PHF20: variants seen among roughly 807,000 people sequenced by gnomAD.
The protein encoded by PHF20 is PHD finger protein 20, also known as glioma-expressed antigen 2.
PHF20 carries 23 observed loss-of-function variants against 113.5 expected under a neutral mutation model. The ratio of observed to expected loss-of-function variants is 0.20; its 90% confidence interval spans 0.15 to 0.29. The LOEUF is 0.29. Ranked by LOEUF, PHF20 falls within the 10% of genes least tolerant of loss-of-function variation. The pLI is 1.00. For missense variants in PHF20, 943 were observed against 1,219.6 expected (o/e 0.77, Z 3.38); for synonymous variants, 434 against 457.3 (o/e 0.95, Z 0.65).
intron 4 of PHF20, chr20:35,850,825 G>T: frequency 2.7e-6 from 3 of 1,112,330 alleles, no homozygotes; most frequent in South Asian, 2.5e-5. Context: ...TGAAAATCAG[G>T]TGTATGTTTC....
chr20:35,883,591 G>GC (rs2054673246), intron 9 of PHF20, among the ~76,000 whole-genome samples: 1 of 152,104 alleles, frequency 6.6e-6, no homozygotes, highest in Non-Finnish European at 1.5e-5. Flanking sequence ...ACAGGCACTC[G>GC]CCGTCACTCC....
intron 2 of PHF20, among the ~76,000 whole-genome samples, chr20:35,842,281 G>A (rs922773284): frequency 2.0e-5 from 3 of 152,020 alleles, no homozygotes; most frequent in Admixed American, 6.6e-5. Context: ...AGGAGGTTGC[G>A]GTGAGCCAAG....
At chr20:35,812,574 G>A (rs963271687) in intron 2 of PHF20, among the ~76,000 whole-genome samples, 7 of 152,044 alleles carry the variant, frequency 4.6e-5, no homozygotes, top group South Asian at 2.1e-4. Flanking sequence ...TCTATTTCCC[G>A]TAAACTGGAA....
intron 2 of PHF20, among the ~76,000 whole-genome samples, chr20:35,809,147 A>T (rs895793572): frequency 6.6e-6 from 1 of 151,852 alleles, no homozygotes; most frequent in Admixed American, 6.6e-5. Context: ...CCTGAGTCTG[A>T]GGCAAGAGAA....
intron 15 of PHF20, among the ~76,000 whole-genome samples, chr20:35,938,108 G>A (rs1600969518): frequency 2.0e-5 from 3 of 152,122 alleles, no homozygotes; most frequent in Admixed American, 1.3e-4. Flanking sequence ...TCCTGACCTC[G>A]TGATCCTCCT....
intron 9 of PHF20, among the ~76,000 whole-genome samples, chr20:35,898,544 C>T (rs765206742): frequency 3.9e-5 from 6 of 152,126 alleles, no homozygotes; most frequent in South Asian, 4.1e-4. Context: ...AAGCAATTAT[C>T]GTGCCTCAGC....
intron 13 of PHF20, among the ~76,000 whole-genome samples, chr20:35,919,401 G>T (rs933583195): frequency 1.4e-5 from 2 of 147,658 alleles, no homozygotes; most frequent in East Asian, 2.0e-4. Context: ...GTGCAATGGC[G>T]CAATCTCGGC....
At chr20:35,930,029 G>A (rs1199942131) in intron 14 of PHF20, among the ~76,000 whole-genome samples, 1 of 152,246 alleles carries the variant, frequency 6.6e-6, no homozygotes, top group Non-Finnish European at 1.5e-5. Context: ...GGACTTTGGA[G>A]CAGGTCATGT....
chr20:35,933,824 T>C (rs940040488), intron 15 of PHF20, among the ~76,000 whole-genome samples: 1 of 152,232 alleles, frequency 6.6e-6, no homozygotes, highest in African/African-American at 2.4e-5. Flanking sequence ...TGGGCCACTG[T>C]GCCCGGTCGG....
At chr20:35,867,287 T>G (rs1253028094) in intron 6 of PHF20, among the ~76,000 whole-genome samples, 2 of 151,898 alleles carry the variant, frequency 1.3e-5, no homozygotes, top group Non-Finnish European at 2.9e-5. Context: ...TGAGATGGAG[T>G]CTTACTCTGT....
At chr20:35,825,093 T>A (rs1332707717) in intron 2 of PHF20, among the ~76,000 whole-genome samples, 1 of 152,214 alleles carries the variant, frequency 6.6e-6, no homozygotes, top group Admixed American at 6.5e-5. Context: ...AATTGTCAGA[T>A]CATATGGTAA....
intron 10 of PHF20, among the ~76,000 whole-genome samples, chr20:35,908,770 C>A (rs771894541): frequency 4.6e-5 from 7 of 152,180 alleles, no homozygotes; most frequent in Non-Finnish European, 8.8e-5. Flanking sequence ...CAACCTAATT[C>A]TAATTTCAGT....
intron 2 of PHF20, among the ~76,000 whole-genome samples, chr20:35,835,788 G>A (rs1486034672): frequency 2.6e-5 from 4 of 152,056 alleles, no homozygotes; most frequent in Admixed American, 2.6e-4. Context: ...AAATTAGCCA[G>A]GCGTGGTGGC....
intron 1 of PHF20, among the ~76,000 whole-genome samples, chr20:35,795,941 G>C (rs73283043): frequency 0.26 from 38,849 of 151,906 alleles, 5,738 homozygotes; most frequent in African/African-American, 0.41. Context: ...ACCTCCACCT[G>C]CAGGGTTGAA....
Position 35,947,337 on chromosome 20 carries a change from CCCTTCCTCCCTTGCCCCATGGAGGCTG to C in PHF20, c.2897-147_2897-121del. ...GTTGACACAGTGCTGGCTGAAATGG[CCCTTCCTCCCTTGCCCCATGGAGGCTG>C]AAATGGCCCTTCCTCCCTTGCCCCA... is the stretch of plus-strand genomic sequence containing the variant. On this transcript the variant is annotated intron_variant, in intron 17 of 17. Transcript: ENST00000374012. 3 of 671,070 alleles carry C rather than the reference CCCTTCCTCCCTTGCCCCATGGAGGCTG, an allele frequency of 4.5e-6. No homozygotes were observed. In the South Asian group the frequency reaches 7.3e-5, roughly 16 times the overall value. 41.6% of individuals were successfully genotyped at this position (671,070 alleles called of 1,614,324 possible).
intron 10 of PHF20, among the ~76,000 whole-genome samples, chr20:35,906,713 A>ACAT (rs1394534239): frequency 6.6e-6 from 1 of 152,220 alleles, no homozygotes. Flanking sequence ...GAAGTGCCAC[A>ACAT]CATCACTTCT....
At chr20:35,925,502 G>A (rs1409345007) in intron 13 of PHF20, among the ~76,000 whole-genome samples, 1 of 151,508 alleles carries the variant, frequency 6.6e-6, no homozygotes, top group African/African-American at 2.4e-5. Context: ...GACCTTAAGT[G>A]ATCCCCCCGC....
At chr20:35,809,762 T>A (rs1424037357) in intron 2 of PHF20, among the ~76,000 whole-genome samples, 1 of 151,032 alleles carries the variant, frequency 6.6e-6, no homozygotes, top group East Asian at 2.0e-4. Flanking sequence ...ATGCCTGAAG[T>A]CCCAGCTACT....
At chr20:35,786,241 A>AG (rs1003434311) in intron 1 of PHF20, among the ~76,000 whole-genome samples, 9 of 150,304 alleles carry the variant, frequency 6.0e-5, no homozygotes, top group African/African-American at 2.2e-4. Flanking sequence ...ACAAAAAAAA[A>AG]TTAGTTGGGT....
Sources: allele counts gnomAD v4.1 joint callset (sites outside exome capture counted in the v4.1 genomes callset), GRCh38; gene constraint gnomAD v4.1.1; transcripts MANE v1.5; gene names NCBI Gene and HGNC (gene_info 2026-07-23, HGNC 2026-07-21).